RPTOR: variants seen among roughly 807,000 people sequenced by gnomAD.
The protein encoded by RPTOR is regulatory associated protein of MTOR complex 1.
Under a neutral mutation model 169.9 loss-of-function variants are expected in RPTOR, and 21 were observed. That is an observed-to-expected ratio of 0.12 (90% confidence interval 0.09 to 0.18). The LOEUF (loss-of-function observed/expected upper bound fraction) is 0.18. Ranked by LOEUF, RPTOR falls within the 10% of genes least tolerant of loss-of-function variation. RPTOR has a pLI of 1.00. For synonymous variants in RPTOR, 732 were observed against 753.2 expected (o/e 0.97, Z 0.46); for missense variants, 1,133 against 1,855.9 (o/e 0.61, Z 7.16).
intron 2 of RPTOR, among the ~76,000 whole-genome samples, chr17:80,638,405 T>G (rs2065525286): frequency 7.1e-6 from 1 of 140,112 alleles, no homozygotes; most frequent in African/African-American, 2.7e-5. Flanking sequence ...TTTCTTTTCT[T>G]CCTTTCTTTT....
At chr17:80,907,394 C>A (rs902364335) in intron 20 of RPTOR, among the ~76,000 whole-genome samples, 2 of 152,272 alleles carry the variant, frequency 1.3e-5, no homozygotes, top group African/African-American at 4.8e-5. Context: ...TAAACTGGCA[C>A]TCCTGGTGCC....
intron 9 of RPTOR, 104 bp from the exon 10 acceptor site, chr17:80,837,818 C>A: frequency 1.8e-6 from 2 of 1,086,536 alleles, no homozygotes; most frequent in Non-Finnish European, 2.8e-6. Context: ...TCCGCCCAGA[C>A]CCTTGCTGCC....
intron 3 of RPTOR, among the ~76,000 whole-genome samples, chr17:80,697,708 G>C (rs932241129): frequency 1.3e-5 from 2 of 152,250 alleles, no homozygotes; most frequent in Admixed American, 6.5e-5. Flanking sequence ...GAGGACACTG[G>C]GCTGAGCAGA....
chr17:80,822,800 A>T (rs370995922), intron 8 of RPTOR, among the ~76,000 whole-genome samples: 1 of 112,790 alleles, frequency 8.9e-6, no homozygotes, highest in East Asian at 2.3e-4. Context: ...GTGTGCGTGT[A>T]TTTGTGTATG....
intron 6 of RPTOR, among the ~76,000 whole-genome samples, chr17:80,763,891 CACTT>C (rs1469371300): frequency 6.6e-6 from 1 of 152,014 alleles, no homozygotes; most frequent in Admixed American, 6.6e-5. Flanking sequence ...TACATGTACA[CACTT>C]ACACATTTAT....
chr17:80,585,166 T>TTTATTA lies in RPTOR; in HGVS notation c.162+39408_162+39413dup, dbSNP rs150653828. On this transcript the variant is annotated intron_variant, in intron 1 of 33. Coordinates refer to ENST00000306801, the MANE Select transcript of RPTOR (RefSeq NM_020761.3). ...TCCTGTTCTTGTTTCAGTGCTTTGG[T>TTTATTA]TTATTATTATTATTATTATTATTAT... 6.7e-3 allele frequency among the ~76,000 whole-genome samples: 943 copies of TTTATTA among 141,602 alleles called. 18 individuals are homozygous for TTTATTA. The highest frequency in any genetic ancestry group is 0.023 in the African/African-American group (902 of 38,388). 92.9% of individuals were successfully genotyped at this position (141,602 alleles called of 152,430 possible).
intron 14 of RPTOR, among the ~76,000 whole-genome samples, chr17:80,882,941 C>T (rs1055169083): frequency 1.3e-5 from 2 of 152,152 alleles, no homozygotes; most frequent in Non-Finnish European, 2.9e-5. Flanking sequence ...TCCAGGTCAG[C>T]GGAGGCACAG....
At chr17:80,715,341 A>G (rs767487462) in intron 4 of RPTOR, among the ~76,000 whole-genome samples, 4 of 152,234 alleles carry the variant, frequency 2.6e-5, no homozygotes, top group Admixed American at 1.3e-4. Flanking sequence ...AATTAAATGG[A>G]CAGATGCCTT....
At chr17:80,654,444 C>T (rs62069687) in intron 3 of RPTOR, among the ~76,000 whole-genome samples, 4 of 152,238 alleles carry the variant, frequency 2.6e-5, no homozygotes, top group Non-Finnish European at 4.4e-5. Flanking sequence ...CGATCAGCTC[C>T]GCTTAGCTTC....
At chr17:80,792,549 A>C (rs1276936522) in intron 7 of RPTOR, among the ~76,000 whole-genome samples, 1 of 152,210 alleles carries the variant, frequency 6.6e-6, no homozygotes. Context: ...CTAAGTGAGC[A>C]GTCCTCAGCA....
intron 1 of RPTOR, among the ~76,000 whole-genome samples, chr17:80,622,075 G>A (rs1043026486): frequency 6.6e-6 from 1 of 152,222 alleles, no homozygotes; most frequent in African/African-American, 2.4e-5. Flanking sequence ...TAAGAAGCCA[G>A]TGGGGAACCA....
chr17:80,925,524 T>C, intron 24 of RPTOR, 44 bp downstream of exon 24: 1 of 1,453,472 alleles, frequency 6.9e-7, no homozygotes, highest in Non-Finnish European at 9.7e-7. Flanking sequence ...CTAGCGAACA[T>C]GTGTCTGTCC....
chr17:80,776,321 CTT>C (rs545348018), intron 6 of RPTOR, among the ~76,000 whole-genome samples: 7 of 112,242 alleles, frequency 6.2e-5, no homozygotes, highest in South Asian at 2.8e-4. Context: ...GCCAAACTTC[CTT>C]TTTTTTTTTT....
intron 1 of RPTOR, 71 bp downstream of exon 1, chr17:80,545,862 G>C: frequency 7.4e-7 from 1 of 1,349,668 alleles, no homozygotes; most frequent in African/African-American, 1.5e-5. Context: ...AGCCCGAAAA[G>C]TGTCCTTGGG....
intron 2 of RPTOR, among the ~76,000 whole-genome samples, chr17:80,628,047 A>G (rs2065409862): frequency 6.6e-6 from 1 of 152,098 alleles, no homozygotes; most frequent in South Asian, 2.1e-4. Context: ...CATGTTGGTC[A>G]GGCTAGTCTC....
chr17:80,909,230 A>T (rs1385001691), intron 21 of RPTOR, among the ~76,000 whole-genome samples: 17 of 149,208 alleles, frequency 1.1e-4, no homozygotes, highest in Admixed American at 2.0e-4. Flanking sequence ...CCCTTCTTCC[A>T]TTTTTTTTTT....
At chr17:80,831,301 G>A (rs1357084937) in intron 9 of RPTOR, among the ~76,000 whole-genome samples, 4 of 152,132 alleles carry the variant, frequency 2.6e-5, no homozygotes, top group Non-Finnish European at 4.4e-5. Flanking sequence ...AGGCTGAGAC[G>A]ATTCCTCAGT....
chr17:80,877,827 C>T (rs1204985915), intron 13 of RPTOR, among the ~76,000 whole-genome samples: 1 of 152,172 alleles, frequency 6.6e-6, no homozygotes, highest in African/African-American at 2.4e-5. Flanking sequence ...AATCTGAGGC[C>T]GGCGCCTGGC....
At chr17:80,918,054 G>A (rs1301590162) in intron 21 of RPTOR, among the ~76,000 whole-genome samples, 1 of 152,246 alleles carries the variant, frequency 6.6e-6, no homozygotes, top group Non-Finnish European at 1.5e-5. Flanking sequence ...AATGTGGCAT[G>A]CCAGCAGCAC....
Sources: allele counts gnomAD v4.1 joint callset (sites outside exome capture counted in the v4.1 genomes callset), GRCh38; gene constraint gnomAD v4.1.1; transcripts MANE v1.5; gene names NCBI Gene and HGNC (gene_info 2026-07-23, HGNC 2026-07-21).